Variants in IL4R observed in about 807,000 individuals in gnomAD.
The protein encoded by IL4R is interleukin-4 receptor subunit alpha.
Under a neutral mutation model 41.5 loss-of-function variants are expected in IL4R, and 17 were observed. The observed-to-expected ratio is 0.41, with a 90% CI of 0.28 to 0.61. The LOEUF (loss-of-function observed/expected upper bound fraction) is 0.61, where lower values mean the gene tolerates loss of function less well. Ranked by LOEUF, IL4R falls within the 20% of genes least tolerant of loss-of-function variation. The probability of loss-of-function intolerance (pLI) is 0.31; values close to 1 mark genes in which losing one functional copy is unlikely to be tolerated. For missense variants in IL4R, 974 were observed against 1,043.1 expected (o/e 0.93, Z 0.91); for synonymous variants, 402 against 422.9 (o/e 0.95, Z 0.61).
At chr16:27,362,140 T>C in intron 10 of IL4R, 112 bp from the exon 11 acceptor site, 1 of 966,636 alleles carries the variant, frequency 1.0e-6, no homozygotes, top group Non-Finnish European at 1.6e-6. Flanking sequence ...TTAGAAGGCA[T>C]GTCTGAAGTA....
chr16:27,354,513 G>A (rs1274290178), intron 7 of IL4R, among the ~76,000 whole-genome samples: 1 of 152,156 alleles, frequency 6.6e-6, no homozygotes, highest in Non-Finnish European at 1.5e-5. Flanking sequence ...CATGTTACAT[G>A]GTTACTGTTA....
At chr16:27,354,450 C>T (rs1326663847) in intron 7 of IL4R, among the ~76,000 whole-genome samples, 1 of 152,212 alleles carries the variant, frequency 6.6e-6, no homozygotes, top group Non-Finnish European at 1.5e-5. Context: ...AAACATCTTT[C>T]TAGAAGCTTC....
intron 1 of IL4R, among the ~76,000 whole-genome samples, chr16:27,321,455 G>C (rs1476294240): frequency 6.6e-6 from 1 of 152,182 alleles, no homozygotes; most frequent in African/African-American, 2.4e-5. Context: ...CTGTTTGTTT[G>C]GTCAAAGAGG....
At chr16:27,325,117 G>A (rs941092299) in intron 1 of IL4R, among the ~76,000 whole-genome samples, 3 of 152,028 alleles carry the variant, frequency 2.0e-5, no homozygotes, top group Admixed American at 6.6e-5. Context: ...TGTTGTCCCC[G>A]GCCTGCCAAC....
chr16:27,358,358 C>T (rs2086166401), intron 8 of IL4R, among the ~76,000 whole-genome samples: 2 of 152,298 alleles, frequency 1.3e-5, no homozygotes, highest in South Asian at 2.1e-4. Flanking sequence ...TTATTGAAAC[C>T]ATGGGCAGAG....
At chr16:27,315,923 G>A (rs906663785) in intron 1 of IL4R, among the ~76,000 whole-genome samples, 28 of 152,166 alleles carry the variant, frequency 1.8e-4, no homozygotes, top group South Asian at 2.1e-4. Flanking sequence ...CGGCAGGTCC[G>A]AGATAACCTA....
At position 27,341,320 on chromosome 16, in the gene IL4R, T is replaced by C. The variant is rs1174364649; in HGVS notation, c.71-801T>C. ...AAGGATGCCAGAAGAGAAGGTACTTTGGGGAGGGGCGGGAATCAGGAGTTA... is the reference window on the plus strand; with the variant it reads ...AAGGATGCCAGAAGAGAAGGTACTTCGGGGAGGGGCGGGAATCAGGAGTTA... On this transcript the variant is annotated intron_variant, in intron 3 of 10. Transcript: ENST00000395762. The C allele has an allele frequency of 8.2e-6, 5 of 608,686 alleles. No individual in the cohort carries two copies. The South Asian group carries it at 9.8e-5, about 12-fold the overall frequency. 37.7% of individuals were successfully genotyped at this position (608,686 alleles called of 1,614,324 possible).
chr16:27,329,712 AT>A (rs2085061321), intron 1 of IL4R, among the ~76,000 whole-genome samples: 1 of 151,892 alleles, frequency 6.6e-6, no homozygotes, highest in Non-Finnish European at 1.5e-5. Context: ...AGTTGAAAAC[AT>A]TTTGCAGTCA....
At chr16:27,330,734 C>A (rs536710303) in intron 2 of IL4R, among the ~76,000 whole-genome samples, 52 of 152,172 alleles carry the variant, frequency 3.4e-4, no homozygotes, top group Admixed American at 2.6e-3. Flanking sequence ...CCCCTGGCAC[C>A]CACTGATGTG....
intron 6 of IL4R, among the ~76,000 whole-genome samples, chr16:27,351,538 A>G (rs1596523637): frequency 7.0e-6 from 1 of 142,396 alleles, no homozygotes; most frequent in East Asian, 2.1e-4. Context: ...TTCCGAGACG[A>G]AGTCGTCACT....
chr16:27,344,262 A>G (rs1484362370), intron 4 of IL4R, among the ~76,000 whole-genome samples: 4 of 151,612 alleles, frequency 2.6e-5, no homozygotes, highest in Admixed American at 2.0e-4. Flanking sequence ...CCGAGATCAC[A>G]TCACTGTACT....
Position 27,346,562 on chromosome 16 carries a change from C to G in IL4R, c.457C>G (p.Leu153Val). The change falls in exon 6 of 11, where the codon CTG (leucine) becomes GTG (valine). Residue 153 changes from leucine to valine, a missense_variant. Leu to Val is a conservative substitution (Grantham distance 32). Coordinates refer to ENST00000395762, the MANE Select transcript of IL4R (RefSeq NM_000418.4). Reference protein sequence around the residue: ...WSNPYPPDNYLYNHLTYAVNI... With the variant: ...WSNPYPPDNYVYNHLTYAVNI... ...CAACCCGTATCCCCCTGACAATTAC[C>G]TGTATAATCATCTCACCTATGCAGT... The G allele has an allele frequency of 6.2e-7, 1 of 1,614,178 alleles. No individual in the cohort carries two copies. Among genetic ancestry groups the G allele is most frequent in the South Asian group, 1.1e-5 (1 of 91,086 alleles).
At chr16:27,340,400 T>G in intron 3 of IL4R, 127 bp downstream of exon 3, 1 of 689,320 alleles carries the variant, frequency 1.5e-6, no homozygotes, top group Non-Finnish European at 2.6e-6. Flanking sequence ...CAAGTGGCCC[T>G]GATTATCAGT....
At chr16:27,360,672 A>G in intron 9 of IL4R, 94 bp from the exon 10 acceptor site, 2 of 1,450,420 alleles carry the variant, frequency 1.4e-6, no homozygotes, top group South Asian at 2.3e-5. Context: ...GATCTGTGTG[A>G]TGTCGAGGCT....
intron 1 of IL4R, among the ~76,000 whole-genome samples, chr16:27,315,174 A>T (rs989874782): frequency 6.6e-6 from 1 of 152,150 alleles, no homozygotes; most frequent in Non-Finnish European, 1.5e-5. Context: ...AGCCCAAGGC[A>T]TTTGCTGGGA....
intron 9 of IL4R, chr16:27,359,787 C>T (rs773071367): frequency 6.6e-5 from 30 of 456,852 alleles, no homozygotes; most frequent in South Asian, 4.6e-4. Context: ...CAGCCTCTTG[C>T]AAATACCAAG....
At position 27,345,210 on chromosome 16, in the gene IL4R, G is replaced by C; in HGVS notation, c.361+190G>C. The C allele has an allele frequency of 5.5e-6, 4 of 732,102 alleles. No homozygotes were observed. In the South Asian group the frequency reaches 5.9e-5, roughly 11 times the overall value. The allele number at this position is 732,102 out of a possible 1,614,324, so 45.4% of individuals were successfully genotyped here. ...TCCTCCCACCTTTGAAACGGAGCTG[G>C]TCGCAGTAGACCACCAAGCCCCCTT... is the stretch of plus-strand genomic sequence containing the variant. On this transcript the variant is annotated intron_variant, in intron 5 of 10. Transcript: ENST00000395762. The surrounding 1 kb of genome is among the most constrained non-coding windows in gnomAD (Gnocchi z 4.5).
chr16:27,357,464 A>T (rs955137537), intron 8 of IL4R, among the ~76,000 whole-genome samples: 8 of 151,934 alleles, frequency 5.3e-5, no homozygotes, highest in African/African-American at 1.5e-4. Context: ...ATTTTAATTT[A>T]ATTTAATTTT....
rs2086363886 is a variant in IL4R at position 27,363,113 on chromosome 16, C to T, written c.1761C>T (p.Thr587=). The part of the protein sequence containing the change: ...EFVHAVEQGG[T]QASAVVGLGP... ...TACATGCGGTGGAGCAGGGTGGCAC[C>T]CAGGCCAGTGCGGTGGTGGGCTTGG... The change falls in exon 11 of 11, where the codon ACC becomes ACT. Residue 587 remains threonine (T), a synonymous_variant. Coordinates refer to ENST00000395762, the MANE Select transcript of IL4R (RefSeq NM_000418.4). The T allele has an allele frequency of 1.2e-6, 2 of 1,614,042 alleles. No individual in the cohort carries two copies. The highest frequency in any genetic ancestry group is 3.3e-5 in the Admixed American group (2 of 60,022).
Sources: gnomAD v4.1 joint callset for allele counts (sites outside exome capture counted in the v4.1 genomes callset) on GRCh38, gnomAD v4.1.1 for gene constraint, Gnocchi (gnomAD v3.1) non-coding constraint, MANE v1.5 for transcripts, NCBI Gene and HGNC (gene_info 2026-07-23, HGNC 2026-07-21) for gene names.